Variants in CELF2 observed in about 807,000 individuals in gnomAD.
CELF2 encodes CUGBP Elav-like family member 2.
CELF2 carries 8 observed loss-of-function variants against 62.6 expected under a neutral mutation model. That is an observed-to-expected ratio of 0.13 (90% CI 0.07 to 0.23). The LOEUF is 0.23. Among genes scored for constraint, CELF2 ranks in the 10% least tolerant of loss-of-function variants. CELF2 has a pLI of 1.00. For synonymous variants in CELF2, 258 were observed against 250.0 expected, an observed-to-expected ratio of 1.03 and a Z score of -0.30; for missense variants, 333 against 671.0, an observed-to-expected ratio of 0.50 and a Z score of 5.56.
chr10:10,997,036 C>T lies in CELF2; in HGVS notation c.89+77037C>T, dbSNP rs1184341982. 2.0e-5 allele frequency among the ~76,000 whole-genome samples: 3 copies of T among 152,188 alleles called. No individual in the cohort carries two copies. Among genetic ancestry groups the T allele is most frequent in the Admixed American group, 1.3e-4 (2 of 15,284 alleles). On this transcript the variant is annotated intron_variant, in intron 2 of 13. Transcript: ENST00000636488. This position sits in a 1 kb window ranked among gnomAD's most constrained non-coding sequence, Gnocchi z 5.3. ...TCTTCATTCCACCCACTCAGTTATT[C>T]ACATTGTGATTCTACTGCTAAAATC...
intron 4 of CELF2, among the ~76,000 whole-genome samples, chr10:11,250,121 C>T (rs190576331): frequency 6.6e-6 from 1 of 152,354 alleles, no homozygotes; most frequent in East Asian, 1.9e-4. Flanking sequence ...GTAGTGCATT[C>T]CATTTTCTGG....
the CELF2 span, among the ~76,000 whole-genome samples, chr10:10,756,633 AAC>A: frequency 6.6e-6 from 1 of 152,270 alleles, no homozygotes; most frequent in South Asian, 2.1e-4. Flanking sequence ...TATTTAAATT[AAC>A]TCTTGATAAT....
At chr10:10,679,321 A>G in the CELF2 span, among the ~76,000 whole-genome samples, 42,836 of 152,040 alleles carry the variant, frequency 0.28, 6,559 homozygotes, top group South Asian at 0.52. Context: ...ACAAAGTCTC[A>G]ATCTCTCTAC....
the CELF2 span, among the ~76,000 whole-genome samples, chr10:10,465,805 T>C: frequency 6.6e-6 from 1 of 152,106 alleles, no homozygotes; most frequent in Non-Finnish European, 1.5e-5. Context: ...CACCTGTGGT[T>C]TAAACAAAAT....
intron 1 of CELF2, among the ~76,000 whole-genome samples, chr10:11,085,601 C>T (rs2046485350): frequency 6.6e-6 from 1 of 151,452 alleles, no homozygotes; most frequent in Admixed American, 6.6e-5. Flanking sequence ...TACAGATGGG[C>T]CGTTGAGGCA....
chr10:11,245,322 A>G (rs374448438), intron 3 of CELF2, among the ~76,000 whole-genome samples: 98 of 152,284 alleles, frequency 6.4e-4, no homozygotes, highest in Middle Eastern at 3.4e-3. Context: ...TGACATTTAC[A>G]TCTTGTATGT....
At chr10:10,583,129 C>A in the CELF2 span, among the ~76,000 whole-genome samples, 1 of 152,146 alleles carries the variant, frequency 6.6e-6, no homozygotes, top group Admixed American at 6.6e-5. Flanking sequence ...GAAGGCCTTG[C>A]AGTGCAACTA....
chr10:10,656,863 A>C, the CELF2 span, among the ~76,000 whole-genome samples: 1 of 151,428 alleles, frequency 6.6e-6, no homozygotes, highest in Non-Finnish European at 1.5e-5. Context: ...CTAAAACTTA[A>C]AGTATAATTA....
chr10:11,077,476 A>G (rs1392791197), intron 1 of CELF2, among the ~76,000 whole-genome samples: 2 of 152,220 alleles, frequency 1.3e-5, no homozygotes, highest in Admixed American at 6.5e-5. Context: ...TCAAAATACC[A>G]GAAGTAATGA....
chr10:11,299,673 G>A (rs1452658370), intron 9 of CELF2, among the ~76,000 whole-genome samples: 2 of 152,174 alleles, frequency 1.3e-5, no homozygotes, highest in African/African-American at 2.4e-5. Flanking sequence ...TGGTTTGCCC[G>A]GGATGTTAGT....
At chr10:11,206,010 T>G (rs1038089137) in intron 2 of CELF2, among the ~76,000 whole-genome samples, 7 of 152,248 alleles carry the variant, frequency 4.6e-5, no homozygotes, top group African/African-American at 1.7e-4. Context: ...TATGACGTCC[T>G]TATTCCATTT....
At position 11,255,583 on chromosome 10, in the gene CELF2, C is replaced by T. The variant is rs756011199; in HGVS notation, c.404-2155C>T. 6.6e-6 allele frequency among the ~76,000 whole-genome samples: 1 copy of T among 152,140 alleles called. No individual in the cohort carries two copies. Among genetic ancestry groups the T allele is most frequent in the Non-Finnish European group, 1.5e-5 (1 of 68,022 alleles). ...TCGTAGTTTACAAGTATTGTGGAAT[C>T]GTGCCTTTCAACTTGTATTCCTTGG... On this transcript the variant is annotated intron_variant, in intron 4 of 12. Transcript: ENST00000633077. This position sits in a 1 kb window ranked among gnomAD's most constrained non-coding sequence, Gnocchi z 5.5.
chr10:11,256,906 C>T (rs756654663), intron 4 of CELF2, among the ~76,000 whole-genome samples: 7 of 151,992 alleles, frequency 4.6e-5, no homozygotes, highest in Admixed American at 6.6e-5. Context: ...TTTTATTCCC[C>T]GAGAATCTTG....
chr10:11,298,339 C>A (rs1177534089), intron 9 of CELF2, among the ~76,000 whole-genome samples: 1 of 152,226 alleles, frequency 6.6e-6, no homozygotes, highest in Non-Finnish European at 1.5e-5. Flanking sequence ...AGGCACAAAT[C>A]TGAATCAGGG....
At chr10:10,494,627 A>G in the CELF2 span, among the ~76,000 whole-genome samples, 2 of 152,284 alleles carry the variant, frequency 1.3e-5, no homozygotes, top group East Asian at 3.9e-4. Context: ...CATGTTAGAC[A>G]CCCTCAGCAT....
chr10:10,627,382 C>G, the CELF2 span, among the ~76,000 whole-genome samples: 1 of 152,188 alleles, frequency 6.6e-6, no homozygotes, highest in Non-Finnish European at 1.5e-5. Flanking sequence ...CAAATGGTCT[C>G]AGAACTGCTT....
In CELF2 at chr10:11,331,370, T is replaced by TAA. The variant is rs1224793855; in HGVS notation, c.*2318_*2319dup. The TAA allele has an allele frequency of 6.7e-6, 1 of 149,548 alleles. No homozygotes were observed. Among genetic ancestry groups the TAA allele is most frequent in the African/African-American group, 2.5e-5 (1 of 40,482 alleles). 9.3% of individuals were successfully genotyped at this position (149,548 alleles called of 1,614,324 possible). On this transcript the variant is annotated 3_prime_UTR_variant, in exon 13 of 13. Coordinates refer to ENST00000633077, the MANE Select transcript of CELF2 (RefSeq NM_001326342.2). ...GAAAAAAAAAAAACCTATTCCAGAATAAGTTTTGTGTTGGCTTGTGAAGCA... is the reference window on the plus strand; with the variant it reads ...GAAAAAAAAAAAACCTATTCCAGAATAAAAGTTTTGTGTTGGCTTGTGAAGCA...
At chr10:10,988,251 A>G (rs2053015116) in intron 2 of CELF2, among the ~76,000 whole-genome samples, 2 of 150,760 alleles carry the variant, frequency 1.3e-5, no homozygotes, top group African/African-American at 5.0e-5. Context: ...ATATAGATAT[A>G]CACACATACA....
chr10:11,070,017 A>G (rs1417466316), intron 1 of CELF2, among the ~76,000 whole-genome samples: 1 of 152,254 alleles, frequency 6.6e-6, no homozygotes, highest in Non-Finnish European at 1.5e-5. Flanking sequence ...AAAGCTAGGA[A>G]AATTGGAGTA....
Sources: gnomAD v4.1 joint callset for allele counts (sites outside exome capture counted in the v4.1 genomes callset) on GRCh38, gnomAD v4.1.1 for gene constraint, Gnocchi (gnomAD v3.1) non-coding constraint, MANE v1.5 for transcripts, NCBI Gene and HGNC (gene_info 2026-07-23, HGNC 2026-07-21) for gene names.